The following CPED1 variants were observed in gnomAD, a reference collection of about 807,000 sequenced individuals.
The protein encoded by CPED1 is cadherin-like and PC-esterase domain-containing protein 1.
CPED1 carries 114 observed loss-of-function variants against 128.2 expected under a neutral mutation model. The ratio of observed to expected loss-of-function variants is 0.89; its 90% CI spans 0.76 to 1.04. The LOEUF is 1.04. CPED1 is among the 50% of genes least tolerant of loss of function. The pLI, the probability that CPED1 is intolerant of heterozygous loss-of-function variation, is 0.00. For missense variants in CPED1, 1,211 were observed against 1,207.1 expected, an observed-to-expected ratio of 1.00 and a Z score of -0.05; for synonymous variants, 462 against 426.7, an observed-to-expected ratio of 1.08 and a Z score of -1.02.
intron 16 of CPED1, among the ~76,000 whole-genome samples, chr7:121,143,228 A>T (rs1345320248): frequency 6.6e-6 from 1 of 152,036 alleles, no homozygotes; most frequent in African/African-American, 2.4e-5. Flanking sequence ...AAAAGAGTAG[A>T]ATACAGTTCC....
At chr7:121,129,578 C>T (rs1795611969) in intron 11 of CPED1, among the ~76,000 whole-genome samples, 1 of 151,576 alleles carries the variant, frequency 6.6e-6, no homozygotes, top group South Asian at 2.1e-4. Context: ...AAGGGATCTG[C>T]CTTGCTCTTC....
chr7:121,099,268 T>A (rs1794780695), intron 6 of CPED1, among the ~76,000 whole-genome samples: 1 of 152,186 alleles, frequency 6.6e-6, no homozygotes, highest in Non-Finnish European at 1.5e-5. Flanking sequence ...AATGGTATCA[T>A]GCATCTGAGG....
chr7:121,004,472 A>G (rs1791954054), intron 2 of CPED1, among the ~76,000 whole-genome samples: 1 of 152,158 alleles, frequency 6.6e-6, no homozygotes, highest in South Asian at 2.1e-4. Flanking sequence ...TCTGTGCCAG[A>G]AAGAGATTCT....
intron 2 of CPED1, among the ~76,000 whole-genome samples, chr7:120,995,567 C>G (rs1257672151): frequency 6.6e-6 from 1 of 152,182 alleles, no homozygotes; most frequent in Non-Finnish European, 1.5e-5. Context: ...ATTCCTGCTA[C>G]CTTTTTCTAG....
intron 3 of CPED1, among the ~76,000 whole-genome samples, chr7:121,031,323 T>G (rs1792725559): frequency 6.6e-6 from 1 of 152,156 alleles, no homozygotes. Context: ...CTTTTTTTGT[T>G]TTTTTCGAGA....
At chr7:121,016,871 C>T (rs1792316036) in intron 3 of CPED1, among the ~76,000 whole-genome samples, 1 of 152,130 alleles carries the variant, frequency 6.6e-6, no homozygotes, top group South Asian at 2.1e-4. Flanking sequence ...GTGCTCTCAG[C>T]CATTGGTTCC....
intron 22 of CPED1, among the ~76,000 whole-genome samples, chr7:121,283,886 G>C (rs181199488): frequency 3.5e-4 from 53 of 152,266 alleles, no homozygotes; most frequent in African/African-American, 1.3e-3. Context: ...CAGTTGGTGG[G>C]TTTCCAAAGC....
At chr7:121,222,387 C>T (rs929848147) in intron 16 of CPED1, among the ~76,000 whole-genome samples, 9 of 152,018 alleles carry the variant, frequency 5.9e-5, no homozygotes, top group East Asian at 1.9e-4. Flanking sequence ...AGTCAGGTAG[C>T]GTGATGCCTC....
At chr7:121,156,677 G>A (rs1320917159) in intron 16 of CPED1, among the ~76,000 whole-genome samples, 2 of 146,876 alleles carry the variant, frequency 1.4e-5, no homozygotes, top group East Asian at 4.4e-4. Context: ...GTTACCAGAA[G>A]CCAGAAATGA....
At chr7:121,277,706 C>T (rs929679676) in intron 22 of CPED1, among the ~76,000 whole-genome samples, 1 of 152,072 alleles carries the variant, frequency 6.6e-6, no homozygotes, top group East Asian at 1.9e-4. Flanking sequence ...TTGCCCTGTG[C>T]CCACTGTATG....
At chr7:121,199,597 A>C (rs1006530512) in intron 16 of CPED1, among the ~76,000 whole-genome samples, 8 of 147,474 alleles carry the variant, frequency 5.4e-5, no homozygotes, top group Non-Finnish European at 1.2e-4. Context: ...GAATCGCTTG[A>C]ACCTGGGAGC....
chr7:121,127,524 T>G lies in CPED1; in HGVS notation c.1302+267T>G, dbSNP rs899776549. Among the ~76,000 whole-genome samples the G allele has an allele frequency of 5.6e-5, 8 of 143,974 alleles. No homozygotes were observed. In the East Asian group the frequency reaches 1.6e-3, roughly 28 times the overall value. 94.5% of individuals were successfully genotyped at this position (143,974 alleles called of 152,430 possible). A position where few individuals can be genotyped will look rare whatever the true frequency, so the allele number is the denominator to read the frequency against. ...CTTATTTTTTCTTTTTGTTTTTCTT[T>G]TTTTCTTTTTCTTTCTTTTTTTTTT... On this transcript the variant is annotated intron_variant, in intron 10 of 22. Transcript: ENST00000310396.
intron 22 of CPED1, among the ~76,000 whole-genome samples, chr7:121,281,923 C>T (rs965845989): frequency 7.2e-5 from 11 of 152,110 alleles, no homozygotes; most frequent in African/African-American, 2.4e-4. Context: ...TACTTTAAAA[C>T]GTACTTCAAT....
chr7:121,210,242 C>T (rs894395219), intron 16 of CPED1, among the ~76,000 whole-genome samples: 2 of 151,922 alleles, frequency 1.3e-5, no homozygotes, highest in African/African-American at 4.8e-5. Context: ...CTATAGAGAA[C>T]AGTATGGAGG....
At chr7:121,124,192 C>T (rs1563034809) in intron 7 of CPED1, 139 bp from the exon 8 acceptor site, 3 of 573,348 alleles carry the variant, frequency 5.2e-6, no homozygotes, top group Admixed American at 3.2e-5. Flanking sequence ...GATTACCAAA[C>T]TTACTGATTA....
At chr7:121,172,232 C>A (rs1455000636) in intron 16 of CPED1, among the ~76,000 whole-genome samples, 3 of 152,102 alleles carry the variant, frequency 2.0e-5, no homozygotes, top group Admixed American at 6.6e-5. Flanking sequence ...AGCTTGAATG[C>A]TTGGAGAGAC....
intron 16 of CPED1, among the ~76,000 whole-genome samples, chr7:121,201,469 AG>A (rs5887022): frequency 3.3e-5 from 5 of 149,974 alleles, no homozygotes; most frequent in African/African-American, 1.2e-4. Context: ...AGGGAGAGAG[AG>A]GGAGAGTGAG....
chr7:121,228,411 G>A (rs1584614432), intron 16 of CPED1, among the ~76,000 whole-genome samples: 1 of 149,340 alleles, frequency 6.7e-6, no homozygotes, highest in East Asian at 1.9e-4. Flanking sequence ...AATCATCAGA[G>A]AAATGCAAAT....
chr7:121,208,271 A>T (rs1797565689), intron 16 of CPED1, among the ~76,000 whole-genome samples: 1 of 152,072 alleles, frequency 6.6e-6, no homozygotes, highest in South Asian at 2.1e-4. Context: ...CATACGAAAC[A>T]TAGTACTAAT....
Sources: gnomAD v4.1 joint callset for allele counts (sites outside exome capture counted in the v4.1 genomes callset) on GRCh38, gnomAD v4.1.1 for gene constraint, MANE v1.5 for transcripts, NCBI Gene and HGNC (gene_info 2026-07-23, HGNC 2026-07-21) for gene names.